Variants in RNH1 observed in about 807,000 individuals in gnomAD.
The protein encoded by RNH1 is ribonuclease/angiogenin inhibitor 1.
In RNH1, 38 loss-of-function variants were observed where a neutral mutation model predicts 46.1. That is an observed-to-expected ratio of 0.82 (90% CI 0.64 to 1.08). RNH1 has a LOEUF of 1.08. Ranked by LOEUF, RNH1 falls within the 50% of genes least tolerant of loss-of-function variation. The pLI is 0.00. For synonymous variants in RNH1, 319 were observed against 279.1 expected, an observed-to-expected ratio of 1.14 and a Z score of -1.43; for missense variants, 577 against 590.7, an observed-to-expected ratio of 0.98 and a Z score of 0.24.
rs1365086592 is a variant in RNH1, at chr11:498,109, C to G, written c.989G>C (p.Cys330Ser). ...GGCCAGCACTGAGCTGAAGTGGGAG[C>G]AGCAGGCGGCTGTGAAGCTGCAGGA... ...VKSCSFTAAC[C>S]SHFSSVLAQN... The change falls in exon 9 of 11, where the codon TGC becomes TCC. Residue 330 changes from cysteine to serine, a missense_variant. Transcript: ENST00000354420. The G allele has an allele frequency of 1.2e-6, 2 of 1,613,762 alleles. No individual in the cohort carries two copies. The highest frequency in any genetic ancestry group is 3.3e-5 in the Admixed American group (2 of 60,004).
intron 9 of RNH1, 39 bp from the exon 10 acceptor site, chr11:495,092 C>G (rs1214789592): frequency 1.3e-6 from 2 of 1,579,790 alleles, no homozygotes; most frequent in African/African-American, 1.3e-5. Context: ...GCCGGGCGTG[C>G]CTGGCACCGC....
chr11:503,715 T>G (rs1222028529), intron 2 of RNH1: 1 of 152,222 alleles, frequency 6.6e-6, no homozygotes, highest in Non-Finnish European at 1.5e-5. Context: ...TGCAGCCAGA[T>G]GAAAGGTGGC....
chr11:506,892 C>T (rs1352066769), intron 1 of RNH1: 1 of 152,290 alleles, frequency 6.6e-6, no homozygotes, highest in Admixed American at 6.5e-5. Context: ...CCTCAAGGCG[C>T]GCCACGTCCG....
intron 2 of RNH1, among the ~76,000 whole-genome samples, chr11:503,727 C>T (rs1052461144): frequency 6.6e-6 from 1 of 152,140 alleles, no homozygotes; most frequent in Non-Finnish European, 1.5e-5. Context: ...AAAGGTGGCC[C>T]CAGGGTGTCC....
chr11:495,219 G>A (rs796235972), intron 9 of RNH1, among the ~76,000 whole-genome samples, 166 bp from the exon 10 acceptor site: 3 of 152,350 alleles, frequency 2.0e-5, no homozygotes, highest in African/African-American at 7.2e-5. Context: ...CCCTGGGCAG[G>A]TTCCCCACCA....
At chr11:497,640 C>T (rs930188383) in intron 9 of RNH1, among the ~76,000 whole-genome samples, 10 of 146,944 alleles carry the variant, frequency 6.8e-5, no homozygotes, top group Non-Finnish European at 1.2e-4. Context: ...CACACACGGA[C>T]ACTCGTGCTC....
chr11:504,517 C>A (rs1403839396), intron 2 of RNH1: 1 of 152,244 alleles, frequency 6.6e-6, no homozygotes, highest in African/African-American at 2.4e-5. Flanking sequence ...CCGGGGCTGG[C>A]GGGGAGTCCA....
intron 9 of RNH1, among the ~76,000 whole-genome samples, chr11:496,230 C>T (rs867783666): frequency 2.6e-5 from 4 of 152,048 alleles, no homozygotes; most frequent in Admixed American, 1.3e-4. Flanking sequence ...AAGCTGCCAA[C>T]GAGAAAAAGC....
intron 1 of RNH1, 57 bp downstream of exon 1, chr11:507,046 GAAGCCCGACC>G (rs1850334875): frequency 6.6e-6 from 1 of 152,224 alleles, no homozygotes; most frequent in Non-Finnish European, 1.5e-5. Flanking sequence ...GCGTCTACAA[GAAGCCCGACC>G]AAGGCCGGCG....
Position 498,976 on chromosome 11 carries a change from T to A in RNH1, c.614+39A>T, listed in dbSNP as rs35608427. 4.5e-4 allele frequency: 709 copies of A among 1,589,286 alleles called. 6 individuals carry two copies. Among genetic ancestry groups the A allele is most frequent in the Admixed American group, 1.5e-4 (9 of 58,856 alleles). ...ACGTGAGGCAGCACGGGACCCCCCC[T>A]AGCCCACACCCCGCACCCCCCCAAG... On this transcript the variant is annotated intron_variant, in intron 6 of 10. Transcript: ENST00000354420.
chr11:497,241 GGACAC>G (rs1219327235), intron 9 of RNH1, among the ~76,000 whole-genome samples: 1,952 of 136,750 alleles, frequency 0.014, 90 homozygotes, highest in African/African-American at 0.054. Flanking sequence ...GCTCACACAC[GGACAC>G]TCATGCTCAC....
chr11:499,013 ACTT>A lies in RNH1; in HGVS notation c.613_614+1del, dbSNP rs757812643. The A allele has an allele frequency of 1.9e-6, 3 of 1,612,766 alleles. No individual in the cohort carries two copies. The South Asian group carries it at 3.3e-5, about 18-fold the overall frequency. Reference sequence around the variant, plus strand: ...CGCACCCCCCCAAGGCCCAGTGCCTACTTGAGCGCCTCCAGCTGGCAGGGGGAG... The same window carrying A: ...CGCACCCCCCCAAGGCCCAGTGCCTAGAGCGCCTCCAGCTGGCAGGGGGAG... On this transcript the variant is annotated splice_donor_variant and coding_sequence_variant, in exon 6 of 11. Transcript: ENST00000354420. LOFTEE classifies it high-confidence loss of function.
intron 2 of RNH1, chr11:504,444 G>A (rs1850062536): frequency 6.5e-6 from 1 of 153,032 alleles, no homozygotes; most frequent in Non-Finnish European, 1.5e-5. Context: ...CGCCGCCGCA[G>A]ACCCAAGGCC....
rs568094622 is a variant in RNH1, at chr11:504,205, G to T, written c.-88+619C>A. 2.6e-4 allele frequency among the ~76,000 whole-genome samples: 39 copies of T among 152,308 alleles called. No individual in the cohort carries two copies. The East Asian group carries it at 7.3e-3, about 29-fold the overall frequency. The stretch of plus-strand genomic sequence containing the variant: ...CCTTATGTTCCGACGTGACGGGGGC[G>T]CGGGGCCACCCTCTAGGGAGACACG... On this transcript the variant is annotated intron_variant, in intron 2 of 10. Transcript: ENST00000354420.
intron 9 of RNH1, 87 bp downstream of exon 9, chr11:497,880 TCACA>T (rs139668932): frequency 0.034 from 49,064 of 1,460,342 alleles, 1,001 homozygotes; most frequent in Middle Eastern, 0.07. Flanking sequence ...ACACTCGTGC[TCACA>T]CAGATACTCG....
At position 499,771 on chromosome 11, in the gene RNH1, G is replaced by C; in HGVS notation, c.443+58C>G. 3.2e-6 allele frequency: 5 copies of C among 1,570,498 alleles called. No homozygotes were observed. In the South Asian group the frequency reaches 5.9e-5, roughly 19 times the overall value. On this transcript the variant is annotated intron_variant, in intron 5 of 10. Coordinates refer to ENST00000354420, the MANE Select transcript of RNH1 (RefSeq NM_203387.3). ...CTGGCAGGCGATGTTCTATGTAGGG[G>C]GCTGGCTGGGGGACAGGCAGCGGCC...
At chr11:504,294 A>T (rs1332777963) in intron 2 of RNH1, 1 of 151,024 alleles carries the variant, frequency 6.6e-6, no homozygotes, top group East Asian at 1.9e-4. Context: ...GCCCGCGTCG[A>T]GTCCCTCGAA....
chr11:506,536 T>A (rs1390422436), intron 1 of RNH1: 1 of 151,964 alleles, frequency 6.6e-6, no homozygotes, highest in Admixed American at 6.6e-5. Flanking sequence ...CCCCCGGTGG[T>A]CCCGGAGCGA....
In RNH1 at chr11:499,005, C is replaced by CA; in HGVS notation, c.614+9dup. 6.2e-7 allele frequency: 1 copy of CA among 1,612,882 alleles called. No homozygotes were observed. Among genetic ancestry groups the CA allele is most frequent in the South Asian group, 1.1e-5 (1 of 91,078 alleles). On this transcript the variant is annotated intron_variant, in intron 6 of 10. Transcript: ENST00000354420. ...CCACACCCCGCACCCCCCCAAGGCC[C>CA]AGTGCCTACTTGAGCGCCTCCAGCT...
Sources: allele counts gnomAD v4.1 joint callset (sites outside exome capture counted in the v4.1 genomes callset), GRCh38; gene constraint gnomAD v4.1.1; transcripts MANE v1.5; gene names NCBI Gene and HGNC (gene_info 2026-07-23, HGNC 2026-07-21).